Variants in LRRIQ3 observed in about 807,000 individuals in gnomAD.
The protein encoded by LRRIQ3 is leucine rich repeats and IQ motif containing 3, also known as leucine-rich repeat and IQ domain-containing protein 3.
LRRIQ3 carries 75 observed loss-of-function variants against 59.3 expected under a neutral mutation model. The observed-to-expected ratio is 1.26, with a 90% confidence interval of 1.05 to 1.53. The LOEUF is 1.53. LRRIQ3 is among the 40% of genes most tolerant of loss of function. The pLI is 0.00. For synonymous variants in LRRIQ3, 250 were observed against 231.3 expected (o/e 1.08, Z -0.73); for missense variants, 831 against 710.0 (o/e 1.17, Z -1.94).
chr1:74,107,180 C>T (rs939299741), intron 5 of LRRIQ3, among the ~76,000 whole-genome samples: 8 of 151,930 alleles, frequency 5.3e-5, no homozygotes, highest in Non-Finnish European at 7.4e-5. Context: ...ATTATTAAAC[C>T]CTTTAAGTCA....
intron 3 of LRRIQ3, among the ~76,000 whole-genome samples, chr1:74,167,927 C>A (rs1453171236): frequency 1.3e-5 from 2 of 151,998 alleles, no homozygotes; most frequent in Non-Finnish European, 2.9e-5. Context: ...CATCAGATAG[C>A]ACACCCTGTA....
intron 5 of LRRIQ3, among the ~76,000 whole-genome samples, chr1:74,098,972 C>A (rs1189905676): frequency 6.6e-6 from 1 of 152,076 alleles, no homozygotes; most frequent in Admixed American, 6.6e-5. Context: ...AAAATTGACA[C>A]CCGAACATCA....
At chr1:74,045,155 C>T (rs1654162687) in intron 6 of LRRIQ3, among the ~76,000 whole-genome samples, 1 of 152,002 alleles carries the variant, frequency 6.6e-6, no homozygotes, top group East Asian at 1.9e-4. Context: ...ACAGACACAA[C>T]AAAAAAAGAA....
In LRRIQ3 at chr1:74,198,074, G is replaced by A. The variant is rs531554403; in HGVS notation, c.-79C>T. The A allele has an allele frequency of 3.0e-5, 32 of 1,072,418 alleles. 1 individual carries two copies. In the East Asian group the frequency reaches 7.4e-4, roughly 25 times the overall value. 66.4% of individuals were successfully genotyped at this position (1,072,418 alleles called of 1,614,324 possible). ...AACACAGTCAGACAAATCGCTGGGC[G>A]GCCATCTGCTCCTGAGACCGTTGCT... On this transcript the variant is annotated 5_prime_UTR_variant, in exon 1 of 8. Coordinates refer to ENST00000354431, the MANE Select transcript of LRRIQ3 (RefSeq NM_001105659.2).
chr1:74,032,697 T>C (rs1001352020), intron 7 of LRRIQ3, among the ~76,000 whole-genome samples: 1 of 152,078 alleles, frequency 6.6e-6, no homozygotes, highest in African/African-American at 2.4e-5. Context: ...ATATTCTTAA[T>C]TACATATTTA....
At chr1:74,080,764 G>A (rs1346820749) in intron 5 of LRRIQ3, among the ~76,000 whole-genome samples, 1 of 151,580 alleles carries the variant, frequency 6.6e-6, no homozygotes, top group South Asian at 2.1e-4. Flanking sequence ...AAAATCGTTA[G>A]CTCTAGTGTC....
chr1:74,164,550 A>G (rs1648857087), intron 3 of LRRIQ3, among the ~76,000 whole-genome samples: 1 of 151,564 alleles, frequency 6.6e-6, no homozygotes. Context: ...GTACTTTGTT[A>G]TGGCAGCCCT....
Position 74,041,498 on chromosome 1 carries a change from G to A in LRRIQ3, c.1433C>T (p.Thr478Ile), listed in dbSNP as rs1654043500. 1 of 1,611,746 alleles carries A rather than the reference G, an allele frequency of 6.2e-7. No individual in the cohort carries two copies. The highest frequency in any genetic ancestry group is 8.5e-7 in the Non-Finnish European group (1 of 1,179,468). ...AACTTGTCGTAAACTGTTCTGAATT[G>A]TCTCTTTATTTTCTTCAATTAGTTT... ...TQKLIEENKE[T>I]IQNSLRQVWQ... Residue 478 changes from threonine (T) to isoleucine (I), a missense_variant, in exon 7 of 8, where the codon ACA becomes ATA. Transcript: ENST00000354431.
intron 7 of LRRIQ3, among the ~76,000 whole-genome samples, chr1:74,037,380 G>C (rs1653902361): frequency 6.6e-6 from 1 of 152,068 alleles, no homozygotes; most frequent in African/African-American, 2.4e-5. Flanking sequence ...ACTCACACCT[G>C]TAATCCCAGC....
intron 4 of LRRIQ3, among the ~76,000 whole-genome samples, chr1:74,124,404 C>T (rs1646905577): frequency 6.6e-6 from 1 of 151,830 alleles, no homozygotes; most frequent in African/African-American, 2.4e-5. Context: ...GTTGCCTGTG[C>T]TTGTGGAGTA....
intron 5 of LRRIQ3, among the ~76,000 whole-genome samples, chr1:74,103,067 A>AG (rs1221859056): frequency 1.1e-4 from 17 of 151,954 alleles, no homozygotes; most frequent in South Asian, 8.3e-4. Context: ...TTATACTTCT[A>AG]CCTAAGTAGA....
intron 3 of LRRIQ3, among the ~76,000 whole-genome samples, chr1:74,161,066 G>A (rs796711564): frequency 3.3e-5 from 5 of 152,062 alleles, no homozygotes; most frequent in African/African-American, 1.2e-4. Flanking sequence ...TGGAGGCTGG[G>A]AAGTCCAAGA....
At position 74,197,994 on chromosome 1, in the gene LRRIQ3, A is replaced by AC; in HGVS notation, c.-1+1dup. 1 of 524,170 alleles carries AC rather than the reference A, an allele frequency of 1.9e-6. No homozygotes were observed. Among genetic ancestry groups the AC allele is most frequent in the South Asian group, 3.5e-5 (1 of 28,656 alleles). The allele number at this position is 524,170 out of a possible 1,614,324, so 32.5% of individuals were successfully genotyped here. On this transcript the variant is annotated splice_donor_variant, in intron 1 of 7. Transcript: ENST00000354431. LOFTEE classifies it low-confidence loss of function (5UTR_SPLICE). ...TTTTGTCACCCAAACTGAACCACTCACCGGGTCAACTGGGCTGCAAGCCCT... is the reference window on the plus strand; with the variant it reads ...TTTTGTCACCCAAACTGAACCACTCACCCGGGTCAACTGGGCTGCAAGCCCT...
chr1:74,050,292 C>T (rs1422120157), intron 6 of LRRIQ3, among the ~76,000 whole-genome samples: 1 of 152,082 alleles, frequency 6.6e-6, no homozygotes, highest in African/African-American at 2.4e-5. Context: ...GCCATAACTT[C>T]CACAAACTGA....
At chr1:74,114,634 G>A (rs1057357278) in intron 4 of LRRIQ3, among the ~76,000 whole-genome samples, 2 of 151,814 alleles carry the variant, frequency 1.3e-5, no homozygotes, top group Admixed American at 6.6e-5. Flanking sequence ...TACTCAGGAG[G>A]CTGAGGCAGG....
chr1:74,028,503 G>C (rs957529770), intron 7 of LRRIQ3, among the ~76,000 whole-genome samples: 2 of 152,028 alleles, frequency 1.3e-5, no homozygotes, highest in African/African-American at 4.8e-5. Flanking sequence ...AATGTAGGTA[G>C]AGCAACAAGA....
intron 3 of LRRIQ3, among the ~76,000 whole-genome samples, chr1:74,166,774 C>T (rs920971475): frequency 4.6e-5 from 7 of 151,650 alleles, no homozygotes; most frequent in African/African-American, 1.7e-4. Context: ...TTTACACCAT[C>T]CTCTTTTGGG....
chr1:74,182,825 A>G lies in LRRIQ3; in HGVS notation c.286T>C (p.Leu96=), dbSNP rs1650077991. Residue 96 remains leucine, a synonymous_variant, in exon 3 of 8, where the codon TTG becomes CTG. Transcript: ENST00000354431. The part of the protein sequence containing the change: ...SLPNTKFWNG[L]KNLKLLYLHD... ...AGATAGAGTAGTTTTAGGTTCTTCA[A>G]TCCATTCCAAAATTTGGTATTTGGT... is the stretch of plus-strand genomic sequence containing the variant. 1.9e-6 allele frequency: 3 copies of G among 1,559,460 alleles called. No individual in the cohort carries two copies. Among genetic ancestry groups the G allele is most frequent in the Non-Finnish European group, 1.7e-6 (2 of 1,152,586 alleles).
chr1:74,146,976 C>A (rs1259316364), intron 4 of LRRIQ3, among the ~76,000 whole-genome samples: 2 of 152,120 alleles, frequency 1.3e-5, no homozygotes, highest in Non-Finnish European at 2.9e-5. Context: ...ACTTGTAATC[C>A]CAGCACTTTA....
Sources: gnomAD v4.1 joint callset for allele counts (sites outside exome capture counted in the v4.1 genomes callset) on GRCh38, gnomAD v4.1.1 for gene constraint, MANE v1.5 for transcripts, NCBI Gene and HGNC (gene_info 2026-07-23, HGNC 2026-07-21) for gene names.